The following VPS41 variants were observed in gnomAD, a reference collection of about 807,000 sequenced individuals.
VPS41 encodes VPS41 subunit of HOPS complex.
A neutral mutation model predicts 130.9 loss-of-function variants in VPS41; 85 were observed. The ratio of observed to expected loss-of-function variants is 0.65; its 90% CI spans 0.55 to 0.78. The LOEUF (loss-of-function observed/expected upper bound fraction) is 0.78. Among genes scored for constraint, VPS41 ranks in the 30% least tolerant of loss-of-function variants. The pLI is 0.00. For missense variants in VPS41, 874 were observed against 1,018.7 expected (o/e 0.86, Z 1.93); for synonymous variants, 335 against 332.9 (o/e 1.01, Z -0.07).
chr7:38,727,055 C>T lies in VPS41; in HGVS notation c.2405-67G>A, dbSNP rs796961358. On this transcript the variant is annotated intron_variant, in intron 27 of 28. Coordinates refer to ENST00000310301, the MANE Select transcript of VPS41 (RefSeq NM_014396.4). ...AAGCAAGATCATTTTAAACCAATCC[C>T]GACTGAAAGTCGAGTTGCAGTTTAA... 5.4e-5 allele frequency: 75 copies of T among 1,378,502 alleles called. 1 individual carries two copies. In the South Asian group the frequency reaches 6.3e-4, roughly 12 times the overall value. 85.4% of individuals were successfully genotyped at this position (1,378,502 alleles called of 1,614,324 possible).
chr7:38,773,874 G>T (rs1441280206), intron 12 of VPS41, among the ~76,000 whole-genome samples: 1 of 152,032 alleles, frequency 6.6e-6, no homozygotes, highest in African/African-American at 2.4e-5. Flanking sequence ...CAAAAAACAA[G>T]GGGCCCAATC....
chr7:38,869,358 T>C (rs1786296994), intron 2 of VPS41, 105 bp from the exon 3 acceptor site: 2 of 719,942 alleles, frequency 2.8e-6, no homozygotes, highest in Non-Finnish European at 4.7e-6. Flanking sequence ...CCTTCAATGA[T>C]GTTAATAATT....
chr7:38,830,858 T>C (rs1785373549), intron 4 of VPS41, among the ~76,000 whole-genome samples: 1 of 152,138 alleles, frequency 6.6e-6, no homozygotes, highest in Non-Finnish European at 1.5e-5. Context: ...AGAGTAAAGG[T>C]TCCTTGAAGA....
chr7:38,768,167 T>C (rs558141612), intron 14 of VPS41, among the ~76,000 whole-genome samples: 2 of 152,292 alleles, frequency 1.3e-5, no homozygotes, highest in East Asian at 3.9e-4. Context: ...CTTCAGAGTA[T>C]TCATGTTTAT....
At chr7:38,754,856 G>A (rs772481764) in intron 20 of VPS41, 39 bp downstream of exon 20, 37 of 1,602,410 alleles carry the variant, frequency 2.3e-5, no homozygotes, top group African/African-American at 5.4e-5. Flanking sequence ...AGTCCCAGAC[G>A]TTCATCTGGT....
At chr7:38,883,973 G>T (rs1295940980) in intron 2 of VPS41, among the ~76,000 whole-genome samples, 1 of 152,174 alleles carries the variant, frequency 6.6e-6, no homozygotes, top group Non-Finnish European at 1.5e-5. Context: ...AGTGCTATGT[G>T]GAAGCTATGT....
chr7:38,879,330 C>T (rs1405007842), intron 2 of VPS41, among the ~76,000 whole-genome samples: 4 of 152,060 alleles, frequency 2.6e-5, no homozygotes, highest in Non-Finnish European at 2.9e-5. Flanking sequence ...GAGGACTGGC[C>T]GGCTGCATTC....
At chr7:38,797,064 T>C in intron 7 of VPS41, 200 bp from the exon 8 acceptor site, 1 of 587,288 alleles carries the variant, frequency 1.7e-6, no homozygotes, top group South Asian at 2.3e-5. Flanking sequence ...GGAAGTTGTT[T>C]AAAATGGATG....
intron 22 of VPS41, among the ~76,000 whole-genome samples, chr7:38,749,298 A>G (rs986988153): frequency 2.0e-5 from 3 of 152,192 alleles, no homozygotes; most frequent in Non-Finnish European, 1.5e-5. Context: ...TCAGTTGCCA[A>G]TCTGAAATCA....
intron 4 of VPS41, among the ~76,000 whole-genome samples, chr7:38,834,878 T>C (rs1785462544): frequency 6.6e-6 from 1 of 152,104 alleles, no homozygotes; most frequent in Non-Finnish European, 1.5e-5. Flanking sequence ...ACATTTTAAA[T>C]TCATCAGTGA....
At chr7:38,877,985 C>G (rs1786525594) in intron 2 of VPS41, among the ~76,000 whole-genome samples, 1 of 152,106 alleles carries the variant, frequency 6.6e-6, no homozygotes, top group South Asian at 2.1e-4. Flanking sequence ...CAGCCTCTGC[C>G]CACTGTATCT....
At chr7:38,759,990 T>C (rs1783879088) in intron 17 of VPS41, among the ~76,000 whole-genome samples, 1 of 152,192 alleles carries the variant, frequency 6.6e-6, no homozygotes, top group Non-Finnish European at 1.5e-5. Flanking sequence ...GCCAGTTTTA[T>C]GTTGGAATTT....
Position 38,763,531 on chromosome 7 carries a change from A to C in VPS41, c.1346T>G (p.Leu449Trp). 5 of 1,604,520 alleles carry C rather than the reference A, an allele frequency of 3.1e-6. No individual in the cohort carries two copies. Among genetic ancestry groups the C allele is most frequent in the Non-Finnish European group, 4.2e-6 (5 of 1,176,700 alleles). The part of the protein sequence containing the change: ...IGQLKAISPY[L>W]PRGDPVLKPL... ...TTTCAGAACTGGATCACCTCTTGGCAAATAAGGACTAATAGCCTAGGTAAG... is the reference window on the plus strand; with the variant it reads ...TTTCAGAACTGGATCACCTCTTGGCCAATAAGGACTAATAGCCTAGGTAAG... Residue 449 changes from leucine (L) to tryptophan (W), a missense_variant, in exon 17 of 29, where the codon TTG (leucine) becomes TGG (tryptophan). Leu to Trp is a moderately conservative substitution (Grantham distance 61). Transcript: ENST00000310301.
At position 38,821,383 on chromosome 7, in the gene VPS41, G is replaced by A. The variant is rs116876251; in HGVS notation, c.322-118C>T. 0.036 allele frequency: 25,584 copies of A among 705,664 alleles called. 593 individuals are homozygous for A. Among genetic ancestry groups the A allele is most frequent in the Non-Finnish European group, 0.048 (19,841 of 415,554 alleles). The allele number at this position is 705,664 out of a possible 1,614,324, so 43.7% of individuals were successfully genotyped here. A position where few individuals can be genotyped will look rare whatever the true frequency, so the allele number is the denominator to read the frequency against. ...GAATATTTAATAATTTTAAGGCCCC[G>A]TGACCTCTATTAAATATCTAATGAA... is the stretch of plus-strand genomic sequence containing the variant. On this transcript the variant is annotated intron_variant, in intron 5 of 28. Coordinates refer to ENST00000310301, the MANE Select transcript of VPS41 (RefSeq NM_014396.4).
intron 7 of VPS41, among the ~76,000 whole-genome samples, chr7:38,811,633 A>G (rs899624147): frequency 6.9e-6 from 1 of 144,286 alleles, no homozygotes; most frequent in Non-Finnish European, 1.5e-5. Flanking sequence ...CTCCATATAT[A>G]CAGATAGATA....
At chr7:38,752,410 AG>A in intron 21 of VPS41, 97 bp from the exon 22 acceptor site, 1 of 1,431,172 alleles carries the variant, frequency 7.0e-7, no homozygotes, top group Non-Finnish European at 9.5e-7. Context: ...TCCCATGGAC[AG>A]GTTGGGGGAG....
At chr7:38,882,423 T>A (rs1786633271) in intron 2 of VPS41, among the ~76,000 whole-genome samples, 1 of 152,214 alleles carries the variant, frequency 6.6e-6, no homozygotes, top group South Asian at 2.1e-4. Flanking sequence ...GAATCAGGCC[T>A]CTTTATCTGT....
chr7:38,750,016 A>C (rs1584373541), intron 22 of VPS41, among the ~76,000 whole-genome samples: 1 of 152,106 alleles, frequency 6.6e-6, no homozygotes, highest in Non-Finnish European at 1.5e-5. Flanking sequence ...ACTGGCATGT[A>C]CCACTACACT....
chr7:38,740,338 T>C (rs772426285), intron 25 of VPS41, among the ~76,000 whole-genome samples: 26 of 152,174 alleles, frequency 1.7e-4, no homozygotes, highest in Non-Finnish European at 3.2e-4. Context: ...TAAGTTCTGA[T>C]ACTGAAAACA....
Sources: allele counts gnomAD v4.1 joint callset (sites outside exome capture counted in the v4.1 genomes callset), GRCh38; gene constraint gnomAD v4.1.1; transcripts MANE v1.5; gene names NCBI Gene and HGNC (gene_info 2026-07-23, HGNC 2026-07-21).